The following GRM4 variants were observed in gnomAD, a reference collection of about 807,000 sequenced individuals.
GRM4 encodes the protein metabotropic glutamate receptor 4.
A neutral mutation model predicts 81.7 loss-of-function variants in GRM4; 28 were observed. The observed-to-expected ratio is 0.34, with a 90% confidence interval of 0.25 to 0.47. The LOEUF (loss-of-function observed/expected upper bound fraction) is 0.47, where lower values mean the gene tolerates loss of function less well. GRM4 is among the 20% of genes least tolerant of loss of function. The probability of loss-of-function intolerance (pLI) is 1.00; values close to 1 mark genes in which losing one functional copy is unlikely to be tolerated. For missense variants in GRM4, 948 were observed against 1,290.0 expected, an observed-to-expected ratio of 0.73 and a Z score of 4.06; for synonymous variants, 488 against 528.8, an observed-to-expected ratio of 0.92 and a Z score of 1.06.
rs146597885 is a variant in GRM4, at chr6:34,100,613, T to A, written c.520-8514A>T. ...AGCACCCACTGAGTGCTCTGCATGA[T>A]CCCTGCCTTCATGGAGCGGACATCC... On this transcript the variant is annotated intron_variant, in intron 2 of 10. Coordinates refer to ENST00000538487, the MANE Select transcript of GRM4 (RefSeq NM_000841.4). Among the ~76,000 whole-genome samples, 56 of 152,338 alleles carry A rather than the reference T, an allele frequency of 3.7e-4. No individual in the cohort carries two copies. In the East Asian group the frequency reaches 8.1e-3, roughly 22 times the overall value.
At chr6:34,112,241 A>C (rs1311662042) in intron 2 of GRM4, among the ~76,000 whole-genome samples, 1 of 152,218 alleles carries the variant, frequency 6.6e-6, no homozygotes. Context: ...GAATTAAATT[A>C]AATAGCCCCT....
At chr6:34,120,948 T>C (rs1257614598) in intron 2 of GRM4, among the ~76,000 whole-genome samples, 1 of 152,218 alleles carries the variant, frequency 6.6e-6, no homozygotes, top group Non-Finnish European at 1.5e-5. Flanking sequence ...GATATCAATA[T>C]GTGGCCAGGT....
At chr6:34,145,202 C>G (rs1770876075) in intron 1 of GRM4, among the ~76,000 whole-genome samples, 1 of 151,634 alleles carries the variant, frequency 6.6e-6, no homozygotes, top group African/African-American at 2.4e-5. Flanking sequence ...AGAGCCCGGG[C>G]CGCGGCGGGC....
rs1309534491 is a variant in GRM4, at chr6:34,070,519, A to C, written c.737-8491T>G. 6.6e-6 allele frequency among the ~76,000 whole-genome samples: 1 copy of C among 151,996 alleles called. No homozygotes were observed. Among genetic ancestry groups the C allele is most frequent in the African/African-American group, 2.4e-5 (1 of 41,348 alleles). On this transcript the variant is annotated intron_variant, in intron 3 of 10. Transcript: ENST00000538487. The surrounding 1 kb of genome is among the most constrained non-coding windows in gnomAD (Gnocchi z 4.6). The stretch of plus-strand genomic sequence containing the variant: ...CCCGATAGGGCTAGTGTGAGGGCCC[A>C]GTGTAGTGGTGTTTGTGCAGGTCTG...
At chr6:34,125,315 G>T (rs1389121843) in intron 2 of GRM4, among the ~76,000 whole-genome samples, 3 of 152,194 alleles carry the variant, frequency 2.0e-5, no homozygotes, top group Non-Finnish European at 2.9e-5. Flanking sequence ...CATCCTGCCT[G>T]CCTCCATTCC....
At chr6:34,143,002 G>T (rs1022748018) in intron 1 of GRM4, among the ~76,000 whole-genome samples, 10 of 152,306 alleles carry the variant, frequency 6.6e-5, no homozygotes, top group South Asian at 4.1e-4. Flanking sequence ...CCATGAGTAG[G>T]GTAGAGCACT....
chr6:34,096,059 C>T (rs1768503229), intron 2 of GRM4, among the ~76,000 whole-genome samples: 1 of 152,162 alleles, frequency 6.6e-6, no homozygotes, highest in African/African-American at 2.4e-5. Flanking sequence ...GGGAATGGTG[C>T]CCGCCCTGGT....
intron 1 of GRM4, among the ~76,000 whole-genome samples, chr6:34,143,317 G>A (rs1367181673): frequency 6.6e-6 from 1 of 152,140 alleles, no homozygotes; most frequent in African/African-American, 2.4e-5. Flanking sequence ...GCACCCCAAG[G>A]ACAGGATCTG....
At chr6:34,026,438 G>A (rs368119575) in intron 10 of GRM4, among the ~76,000 whole-genome samples, 3 of 152,242 alleles carry the variant, frequency 2.0e-5, no homozygotes, top group Admixed American at 6.5e-5. Flanking sequence ...GACTTTCAGA[G>A]GGGAGGATGC....
At chr6:34,049,817 C>T (rs1581618552) in intron 6 of GRM4, among the ~76,000 whole-genome samples, 3 of 152,124 alleles carry the variant, frequency 2.0e-5, no homozygotes, top group African/African-American at 7.2e-5. Flanking sequence ...CCCCTTCGCA[C>T]CACCTCCATG....
rs56326901 is a variant in GRM4 at position 34,111,114 on chromosome 6, TACACACACACAC to T, written c.520-19027_520-19016del. On this transcript the variant is annotated intron_variant, in intron 2 of 10. Transcript: ENST00000538487. The surrounding 1 kb of genome is among the most constrained non-coding windows in gnomAD (Gnocchi z 5.1). The stretch of plus-strand genomic sequence containing the variant: ...GAGGAGGAGACACACACAGGCCACA[TACACACACACAC>T]ACACACACACACACACACACACACA... 29 of 144,008 alleles carry T rather than the reference TACACACACACAC, an allele frequency of 2.0e-4. No homozygotes were observed. Among genetic ancestry groups the T allele is most frequent in the Middle Eastern group, 3.5e-3 (1 of 284 alleles). 8.9% of individuals were successfully genotyped at this position (144,008 alleles called of 1,614,324 possible). A position where few individuals can be genotyped will look rare whatever the true frequency, so the allele number is the denominator to read the frequency against.
chr6:34,103,573 A>T (rs772933984), intron 2 of GRM4: 66 of 1,527,380 alleles, frequency 4.3e-5, no homozygotes, highest in Middle Eastern at 1.7e-4. Context: ...TCAATAAATT[A>T]TACTCACTTT....
At chr6:34,122,784 G>T (rs2451337) in intron 2 of GRM4, among the ~76,000 whole-genome samples, 5 of 151,362 alleles carry the variant, frequency 3.3e-5, no homozygotes, top group African/African-American at 9.8e-5. Context: ...CTGGAAGTAG[G>T]GGGGGAAGAC....
rs1181265593 is a variant in GRM4, at chr6:34,152,500, AG to A, written c.312+2578del. Among the ~76,000 whole-genome samples the A allele has an allele frequency of 6.6e-5, 10 of 152,080 alleles. No homozygotes were observed. Among genetic ancestry groups the A allele is most frequent in the Non-Finnish European group, 1.2e-4 (8 of 67,996 alleles). On this transcript the variant is annotated intron_variant, in intron 1 of 8. Coordinates refer to the GRM4 transcript ENST00000374177. This position sits in a 1 kb window ranked among gnomAD's most constrained non-coding sequence, Gnocchi z 4.1. ...GGGAGGATTCTGCTCCCCTCGAAGGAGGCAGCAGCATTTCTGCAAACACCCC... is the reference window on the plus strand; with the variant it reads ...GGGAGGATTCTGCTCCCCTCGAAGGAGCAGCAGCATTTCTGCAAACACCCC...
chr6:34,066,039 A>G (rs895154381), intron 3 of GRM4, among the ~76,000 whole-genome samples: 1 of 152,034 alleles, frequency 6.6e-6, no homozygotes, highest in African/African-American at 2.4e-5. Context: ...AAACCGACTT[A>G]TGCTTGGCCC....
chr6:34,045,381 C>T (rs1562022572), intron 6 of GRM4, among the ~76,000 whole-genome samples: 1 of 152,226 alleles, frequency 6.6e-6, no homozygotes, highest in Non-Finnish European at 1.5e-5. Context: ...TTCACTGGCC[C>T]CCTCACAGGG....
At chr6:34,044,331 CACAGACAT>C (rs1475846903) in intron 6 of GRM4, among the ~76,000 whole-genome samples, 10 of 150,596 alleles carry the variant, frequency 6.6e-5, no homozygotes, top group African/African-American at 2.5e-4. Context: ...CACACATACA[CACAGACAT>C]ACATACATAC....
At chr6:34,044,773 T>TAC (rs201623306) in intron 6 of GRM4, among the ~76,000 whole-genome samples, 36,688 of 122,712 alleles carry the variant, frequency 0.3, 6,404 homozygotes, top group African/African-American at 0.48. Flanking sequence ...CACATAGACA[T>TAC]ACACATACAC....
chr6:34,067,063 G>A (rs970857845), intron 3 of GRM4, among the ~76,000 whole-genome samples: 2 of 152,064 alleles, frequency 1.3e-5, no homozygotes, highest in African/African-American at 4.8e-5. Flanking sequence ...CCATCGTCCC[G>A]TGAGAGCAGG....
Sources: allele counts gnomAD v4.1 joint callset (sites outside exome capture counted in the v4.1 genomes callset), GRCh38; gene constraint gnomAD v4.1.1; non-coding constraint Gnocchi (gnomAD v3.1); transcripts MANE v1.5; gene names NCBI Gene and HGNC (gene_info 2026-07-23, HGNC 2026-07-21).